Variants in PIGZ observed in about 807,000 individuals in gnomAD.
PIGZ encodes GPI alpha-1,2-mannosyltransferase 4.
In PIGZ, 16 loss-of-function variants were observed where a neutral mutation model predicts 16.4. The observed-to-expected ratio is 0.97, with a 90% CI of 0.66 to 1.48. PIGZ has a LOEUF of 1.48. PIGZ is among the 40% of genes most tolerant of loss of function. The probability of loss-of-function intolerance (pLI) is 0.00; values close to 1 mark genes in which losing one functional copy is unlikely to be tolerated. For missense variants in PIGZ, 770 were observed against 739.2 expected (o/e 1.04, Z -0.48); for synonymous variants, 409 against 338.4 (o/e 1.21, Z -2.29).
At chr3:196,954,431 G>A (rs1717404397) in intron 1 of PIGZ, among the ~76,000 whole-genome samples, 1 of 152,110 alleles carries the variant, frequency 6.6e-6, no homozygotes, top group Non-Finnish European at 1.5e-5. Context: ...CCTAATATTG[G>A]TTTACTTGTG....
rs1442347685 is a variant in PIGZ, at chr3:196,948,556, C to T, written c.341G>A (p.Gly114Glu). 1.6e-5 allele frequency: 26 copies of T among 1,599,190 alleles called. No homozygotes were observed. Among genetic ancestry groups the T allele is most frequent in the South Asian group, 2.2e-5 (2 of 89,430 alleles). The change falls in exon 3 of 3, where the codon GGG (glycine) becomes GAG (glutamate). Residue 114 changes from glycine (G) to glutamate (E), a missense_variant. Physicochemically the swap from Gly to Glu is moderately conservative, Grantham distance 98. Transcript: ENST00000412723. ...GCCGCTCACCAGGCCAGGCCACGGC[C>T]CCAGCTCCTCCCAGAGCCTGAGCAG... ...FWLLRLWEEL[G>E]PWPGLVSGYA...
chr3:196,954,439 G>T (rs544609749), intron 1 of PIGZ, among the ~76,000 whole-genome samples: 1 of 152,258 alleles, frequency 6.6e-6, no homozygotes, highest in Non-Finnish European at 1.5e-5. Context: ...TGGTTTACTT[G>T]TGCATTCTTT....
chr3:196,964,184 G>A (rs977129236), intron 1 of PIGZ, among the ~76,000 whole-genome samples: 3 of 152,046 alleles, frequency 2.0e-5, no homozygotes, highest in African/African-American at 7.2e-5. Context: ...CCAAGTAGCT[G>A]GGACTACAGG....
rs573032117 is a variant in PIGZ, at chr3:196,961,857, A to G, written c.-1+6830T>C. Reference sequence around the variant, plus strand: ...TCAATGGTTTTTGGTATATTCGTAGACAGGTGCAACCATCACCACAGTCAG... The same window carrying G: ...TCAATGGTTTTTGGTATATTCGTAGGCAGGTGCAACCATCACCACAGTCAG... On this transcript the variant is annotated intron_variant, in intron 1 of 2. Transcript: ENST00000412723. Among the ~76,000 whole-genome samples, 5 of 152,320 alleles carry G rather than the reference A, an allele frequency of 3.3e-5. No individual in the cohort carries two copies. The East Asian group carries it at 9.6e-4, about 29-fold the overall frequency.
chr3:196,962,942 C>T (rs1467807530), intron 1 of PIGZ, among the ~76,000 whole-genome samples: 2 of 152,180 alleles, frequency 1.3e-5, no homozygotes, highest in African/African-American at 2.4e-5. Flanking sequence ...GTCCCCTGGG[C>T]CCACTTTTCT....
intron 1 of PIGZ, among the ~76,000 whole-genome samples, chr3:196,955,069 G>C (rs1396080599): frequency 6.6e-6 from 1 of 152,120 alleles, no homozygotes; most frequent in Non-Finnish European, 1.5e-5. Context: ...AGGAAGACGG[G>C]TATGTGCCAC....
chr3:196,959,848 G>A (rs565908453), intron 1 of PIGZ, among the ~76,000 whole-genome samples: 3 of 152,182 alleles, frequency 2.0e-5, no homozygotes, highest in Non-Finnish European at 4.4e-5. Flanking sequence ...GTGTCTTACT[G>A]TACTGTGAGG....
At position 196,958,125 on chromosome 3, in the gene PIGZ, G is replaced by A. The variant is rs1031987867; in HGVS notation, c.1-6094C>T. The stretch of plus-strand genomic sequence containing the variant: ...CCCAAGTATTACTTACATTTTCTTC[G>A]GCTTACATACTATTTTATCCAGCAT... On this transcript the variant is annotated intron_variant, in intron 1 of 2. Coordinates refer to ENST00000412723, the MANE Select transcript of PIGZ (RefSeq NM_025163.4). Among the ~76,000 whole-genome samples the A allele has an allele frequency of 5.3e-5, 8 of 151,968 alleles. 1 individual carries two copies. Among genetic ancestry groups the A allele is most frequent in the Admixed American group, 3.3e-4 (5 of 15,254 alleles).
rs368037497 is a variant in PIGZ at position 196,947,434 on chromosome 3, C to G, written c.1463G>C (p.Gly488Ala). The change falls in exon 3 of 3, where the codon GGG (glycine) becomes GCG (alanine). Residue 488 changes from glycine (G) to alanine (A), a missense_variant. Gly to Ala is a moderately conservative substitution (Grantham distance 60). Transcript: ENST00000412723. ...LGAPVEVVDM[G>A]GTEDWALCQT... Reference sequence around the variant, plus strand: ...GCACAGGGCCCAGTCCTCAGTCCCCCCCATGTCCACCACCTCCACTGGTGC... The same window carrying G: ...GCACAGGGCCCAGTCCTCAGTCCCCGCCATGTCCACCACCTCCACTGGTGC... 80 of 1,613,788 alleles carry G rather than the reference C, an allele frequency of 5.0e-5. No homozygotes were observed. The highest frequency in any genetic ancestry group is 1.8e-4 in the Admixed American group (11 of 60,030).
chr3:196,962,641 TGGCAATACTGATCTTTACTGCAC>T (rs373508537), intron 1 of PIGZ, among the ~76,000 whole-genome samples: 18,721 of 151,970 alleles, frequency 0.12, 1,411 homozygotes, highest in African/African-American at 0.19. Context: ...GACATGCTGG[TGGCAATACTGATCTTTACTGCAC>T]GGCAATACTG....
At chr3:196,963,289 CAT>C (rs1717793860) in intron 1 of PIGZ, among the ~76,000 whole-genome samples, 1 of 152,164 alleles carries the variant, frequency 6.6e-6, no homozygotes, top group Non-Finnish European at 1.5e-5. Context: ...TATTCGTGGA[CAT>C]ATGTCTTCAT....
intron 1 of PIGZ, among the ~76,000 whole-genome samples, chr3:196,961,060 G>A (rs899402638): frequency 1.3e-5 from 2 of 152,190 alleles, no homozygotes; most frequent in Non-Finnish European, 2.9e-5. Context: ...TCCTTCTAGC[G>A]AGTAAGGTAT....
chr3:196,952,016 A>G lies in PIGZ; in HGVS notation c.16T>C (p.Ser6Pro), dbSNP rs773785310. ...CCAGCTGCTACAGATGCTACGCTGGATCCACAGATCTGCATCTGTTGAGGA... is the reference window on the plus strand; with the variant it reads ...CCAGCTGCTACAGATGCTACGCTGGGTCCACAGATCTGCATCTGTTGAGGA... The part of the protein sequence containing the change: MQICG[S>P]SVASVAAGTS... The change falls in exon 2 of 3, where the codon TCC becomes CCC. Residue 6 changes from serine to proline, a missense_variant. Physicochemically the swap from Ser to Pro is moderately conservative, Grantham distance 74. Coordinates refer to ENST00000412723, the MANE Select transcript of PIGZ (RefSeq NM_025163.4). 1.4e-5 allele frequency: 22 copies of G among 1,614,006 alleles called. No individual in the cohort carries two copies. In the Middle Eastern group the frequency reaches 2.5e-3, roughly 182 times the overall value.
At chr3:196,960,951 G>A (rs913653496) in intron 1 of PIGZ, among the ~76,000 whole-genome samples, 25 of 152,172 alleles carry the variant, frequency 1.6e-4, no homozygotes, top group Admixed American at 1.3e-4. Context: ...GTTCTGAGAC[G>A]GAAGTAGGAA....
intron 1 of PIGZ, among the ~76,000 whole-genome samples, chr3:196,964,181 G>T (rs1717833637): frequency 6.6e-6 from 1 of 152,044 alleles, no homozygotes; most frequent in Non-Finnish European, 1.5e-5. Context: ...CTCCCAAGTA[G>T]CTGGGACTAC....
At chr3:196,962,861 G>C (rs537634470) in intron 1 of PIGZ, among the ~76,000 whole-genome samples, 1 of 152,302 alleles carries the variant, frequency 6.6e-6, no homozygotes, top group Admixed American at 6.5e-5. Flanking sequence ...AGATAGTAGA[G>C]ATAATGATCA....
intron 1 of PIGZ, among the ~76,000 whole-genome samples, chr3:196,962,903 C>T (rs995831801): frequency 3.3e-5 from 5 of 152,194 alleles, no homozygotes; most frequent in African/African-American, 9.7e-5. Flanking sequence ...AAACCAGTGC[C>T]GGTGCAGGTC....
chr3:196,952,515 G>A (rs1011538560), intron 1 of PIGZ, among the ~76,000 whole-genome samples: 6 of 152,188 alleles, frequency 3.9e-5, no homozygotes, highest in East Asian at 1.9e-4. Context: ...TGGGCTCACC[G>A]CAACCTCCAC....
rs1274485834 is a variant in PIGZ, at chr3:196,951,981, G to A, written c.51C>T (p.Phe17=). The part of the protein sequence containing the change: ...SVASVAAGTS[F]QVLGPVCWQQ... ...GCCAACACACCGGGCCCAAAACCTG[G>A]AATGATGTCCCAGCTGCTACAGATG... The change falls in exon 2 of 3, where the codon TTC becomes TTT. Residue 17 remains phenylalanine, a synonymous_variant. Transcript: ENST00000412723. 6.2e-7 allele frequency: 1 copy of A among 1,614,154 alleles called. No individual in the cohort carries two copies. The highest frequency in any genetic ancestry group is 2.2e-5 in the East Asian group (1 of 44,892).
Sources: allele counts gnomAD v4.1 joint callset (sites outside exome capture counted in the v4.1 genomes callset), GRCh38; gene constraint gnomAD v4.1.1; transcripts MANE v1.5; gene names NCBI Gene and HGNC (gene_info 2026-07-23, HGNC 2026-07-21).